AR: variants seen among roughly 807,000 people sequenced by gnomAD.
AR encodes the protein dihydrotestosterone receptor.
Under a neutral mutation model 53.9 loss-of-function variants are expected in AR, and 8 were observed. The ratio of observed to expected loss-of-function variants is 0.15; its 90% confidence interval spans 0.09 to 0.27. The LOEUF is 0.27. Ranked by LOEUF, AR falls within the 10% of genes least tolerant of loss-of-function variation. The pLI is 1.00. For synonymous variants in AR, 359 were observed against 316.4 expected (o/e 1.13, Z -1.43); for missense variants, 639 against 742.5 (o/e 0.86, Z 1.62).
chrX:67,602,066 G>A (rs1236616310), intron 1 of AR, among the ~76,000 whole-genome samples: 1 of 111,862 alleles, frequency 8.9e-6, no homozygotes, highest in Non-Finnish European at 1.9e-5. Flanking sequence ...AATTAATTAA[G>A]TTGGAGACAG....
At chrX:67,675,417 G>A (rs1308061768) in intron 2 of AR, among the ~76,000 whole-genome samples, 1 of 111,471 alleles carries the variant, frequency 9.0e-6, no homozygotes. Flanking sequence ...GTTTATTTGA[G>A]ATCCCAGAGC....
At chrX:67,689,979 A>G (rs951596515) in intron 3 of AR, among the ~76,000 whole-genome samples, 3 of 110,962 alleles carry the variant, frequency 2.7e-5, no homozygotes, top group Non-Finnish European at 5.7e-5. Context: ...CTTTCCTCCT[A>G]TTCCTCCCCA....
chrX:67,642,677 G>A (rs1396865867), intron 1 of AR, among the ~76,000 whole-genome samples: 1 of 111,713 alleles, frequency 9.0e-6, no homozygotes, highest in Non-Finnish European at 1.9e-5. Context: ...AGACTTTTAT[G>A]ATAATACTAA....
At chrX:67,704,827 G>A (rs1014390153) in intron 3 of AR, among the ~76,000 whole-genome samples, 1 of 111,993 alleles carries the variant, frequency 8.9e-6, no homozygotes, top group African/African-American at 3.2e-5. Context: ...TTTCTATAAG[G>A]TGTAAGGAAG....
At chrX:67,587,601 A>G (rs1430949572) in intron 1 of AR, among the ~76,000 whole-genome samples, 2 of 111,575 alleles carry the variant, frequency 1.8e-5, no homozygotes, top group Non-Finnish European at 1.9e-5. Flanking sequence ...CATGATAACC[A>G]CATTTAGCAT....
chrX:67,665,920 A>AT lies in AR; in HGVS notation c.1769-20084dup, dbSNP rs957570166. Among the ~76,000 whole-genome samples, 13 of 110,871 alleles carry AT rather than the reference A, an allele frequency of 1.2e-4. No individual in the cohort carries two copies. In the South Asian group the frequency reaches 3.1e-3, roughly 26 times the overall value. On this transcript the variant is annotated intron_variant, in intron 2 of 7. Transcript: ENST00000374690. ...TTTTTTTCTGGGTAATTTTAAAGTTATTTTTTATTTTTGTGGGTACAAAGT... is the reference window on the plus strand; with the variant it reads ...TTTTTTTCTGGGTAATTTTAAAGTTATTTTTTTATTTTTGTGGGTACAAAGT...
chrX:67,671,385 A>G (rs2075864402), intron 2 of AR, among the ~76,000 whole-genome samples: 1 of 112,654 alleles, frequency 8.9e-6, no homozygotes, highest in South Asian at 3.6e-4. Flanking sequence ...TGTTGGCAGC[A>G]TAAATGTCTT....
intron 3 of AR, among the ~76,000 whole-genome samples, chrX:67,690,440 C>T (rs766905006): frequency 3.6e-5 from 4 of 111,489 alleles, no homozygotes; most frequent in Non-Finnish European, 7.5e-5. Flanking sequence ...TGTTCAAGAG[C>T]ATCCCAGCAT....
intron 1 of AR, among the ~76,000 whole-genome samples, chrX:67,571,066 G>T (rs1921792035): frequency 9.0e-6 from 1 of 110,713 alleles, no homozygotes; most frequent in African/African-American, 3.3e-5. Context: ...GTAAGGGGAG[G>T]GGTAGGGATG....
intron 2 of AR, among the ~76,000 whole-genome samples, chrX:67,683,100 ATTAT>A (rs1032475923): frequency 8.9e-6 from 1 of 111,919 alleles, no homozygotes; most frequent in African/African-American, 3.2e-5. Flanking sequence ...CCCTGTGTTA[ATTAT>A]TCAGTCACAC....
At chrX:67,637,331 C>A in intron 1 of AR, among the ~76,000 whole-genome samples, 1 of 68,996 alleles carries the variant, frequency 1.4e-5, no homozygotes, top group African/African-American at 5.6e-5. Flanking sequence ...TCCCCCCTCC[C>A]CCCACCCCAC....
At chrX:67,701,875 T>A (rs1008342846) in intron 3 of AR, among the ~76,000 whole-genome samples, 1 of 112,014 alleles carries the variant, frequency 8.9e-6, no homozygotes, top group African/African-American at 3.2e-5. Flanking sequence ...ATGACTGGAG[T>A]ATTCTCATAG....
chrX:67,545,099 G>A lies in AR; in HGVS notation c.-48G>A. 2 of 1,166,944 alleles carry A rather than the reference G, an allele frequency of 1.7e-6. No individual in the cohort carries two copies. The highest frequency in any genetic ancestry group is 2.3e-6 in the Non-Finnish European group (2 of 875,365). ...GTTGAACTCTTCTGAGCAAGAGAAG[G>A]GGAGGCGGGGTAAGGGAAGTAGGTG... On this transcript the variant is annotated 5_prime_UTR_variant, in exon 1 of 8. Transcript: ENST00000374690.
chrX:67,634,042 CAGTA>C (rs1228467892), intron 1 of AR, among the ~76,000 whole-genome samples: 6 of 110,929 alleles, frequency 5.4e-5, no homozygotes, highest in Non-Finnish European at 9.4e-5. Flanking sequence ...AAATATAACT[CAGTA>C]AGCCCATTAA....
At chrX:67,694,156 C>A (rs2147506904) in intron 3 of AR, among the ~76,000 whole-genome samples, 1 of 111,486 alleles carries the variant, frequency 9.0e-6, no homozygotes, top group East Asian at 2.9e-4. Flanking sequence ...AGCTGTTAGG[C>A]ACACAGACAT....
chrX:67,697,832 T>C (rs1292895958), intron 3 of AR, among the ~76,000 whole-genome samples: 2 of 111,709 alleles, frequency 1.8e-5, no homozygotes, highest in Non-Finnish European at 3.8e-5. Context: ...AAACCTTTTA[T>C]GTGAAAAGCA....
At chrX:67,642,562 G>T (rs139617470) in intron 1 of AR, among the ~76,000 whole-genome samples, 6,438 of 110,992 alleles carry the variant, frequency 0.058, 470 homozygotes, top group African/African-American at 0.2. Context: ...TCAGGCATAG[G>T]GATTATGCTT....
chrX:67,607,142 GC>G (rs1219282122), intron 1 of AR, among the ~76,000 whole-genome samples: 1 of 111,052 alleles, frequency 9.0e-6, no homozygotes, highest in East Asian at 2.8e-4. Flanking sequence ...CGATTCTCCT[GC>G]CTCAGCCTCC....
chrX:67,689,313 G>A (rs1009396495), intron 3 of AR, among the ~76,000 whole-genome samples: 2 of 111,087 alleles, frequency 1.8e-5, no homozygotes, highest in African/African-American at 6.5e-5. Flanking sequence ...TCTAAAAGTA[G>A]ACTAGACAGA....
Sources: gnomAD v4.1 joint callset for allele counts (sites outside exome capture counted in the v4.1 genomes callset) on GRCh38, gnomAD v4.1.1 for gene constraint, MANE v1.5 for transcripts, NCBI Gene and HGNC (gene_info 2026-07-23, HGNC 2026-07-21) for gene names.